MAK: variants seen among roughly 807,000 people sequenced by gnomAD.
MAK encodes male germ cell associated kinase.
In MAK, 65 loss-of-function variants were observed where a neutral mutation model predicts 82.6. The observed-to-expected ratio is 0.79, with a 90% confidence interval of 0.64 to 0.97. The LOEUF (loss-of-function observed/expected upper bound fraction) is 0.97, where lower values mean the gene tolerates loss of function less well. Among genes scored for constraint, MAK ranks in the 50% least tolerant of loss-of-function variants. The probability of loss-of-function intolerance (pLI) is 0.00; values close to 1 mark genes in which losing one functional copy is unlikely to be tolerated. For missense variants in MAK, 703 were observed against 780.2 expected, an observed-to-expected ratio of 0.90 and a Z score of 1.18; for synonymous variants, 250 against 274.2, an observed-to-expected ratio of 0.91 and a Z score of 0.87.
intron 10 of MAK, among the ~76,000 whole-genome samples, chr6:10,790,880 G>C (rs1226611665): frequency 6.6e-6 from 1 of 152,186 alleles, no homozygotes; most frequent in Non-Finnish European, 1.5e-5. Context: ...TTGCGGTAAC[G>C]AGTGAGTTCT....
At chr6:10,767,387 A>G (rs1371643433) in intron 14 of MAK, among the ~76,000 whole-genome samples, 2 of 152,188 alleles carry the variant, frequency 1.3e-5, no homozygotes, top group Non-Finnish European at 2.9e-5. Context: ...GTGATCCTAA[A>G]GGGTGCTGTG....
rs561271180 is a variant in MAK, at chr6:10,821,929, C to T, written c.102-2989G>A. ...TTGGGAGGCCAAGGCGGGCGGATCA[C>T]GAGGTCAGGAGATGGAGACCCTCCT... On this transcript the variant is annotated intron_variant, in intron 2 of 14. Coordinates refer to ENST00000354489, the MANE Select transcript of MAK (RefSeq NM_001242957.3). Among the ~76,000 whole-genome samples the T allele has an allele frequency of 2.6e-3, 400 of 150,990 alleles. 3 individuals are homozygous for T. The highest frequency in any genetic ancestry group is 9.0e-3 in the African/African-American group (371 of 41,138).
In MAK at chr6:10,808,907, G is replaced by A; in HGVS notation, c.394C>T (p.Leu132Phe). ...FHRDMKPENL[L>F]CMGPELVKIA... is the part of the protein sequence containing the mutation. ...TTCACAAGCTCTGGACCCATACAAAGCAAGTTTTCTGGTTTCATGTCCCTA... is the reference window on the plus strand; with the variant it reads ...TTCACAAGCTCTGGACCCATACAAAACAAGTTTTCTGGTTTCATGTCCCTA... The change falls in exon 6 of 15, where the codon CTT becomes TTT. Residue 132 changes from leucine to phenylalanine, a missense_variant. By Grantham distance (22) the Leu-to-Phe change is conservative. Transcript: ENST00000354489. 1 of 1,613,594 alleles carries A rather than the reference G, an allele frequency of 6.2e-7. No individual in the cohort carries two copies.
chr6:10,803,307 G>C (rs1333368524), intron 7 of MAK, among the ~76,000 whole-genome samples: 1 of 152,134 alleles, frequency 6.6e-6, no homozygotes, highest in East Asian at 1.9e-4. Flanking sequence ...GGAGGCTGAG[G>C]TGGGCAGATC....
chr6:10,803,005 G>GA (rs1776134444), intron 7 of MAK, among the ~76,000 whole-genome samples: 1 of 152,122 alleles, frequency 6.6e-6, no homozygotes, highest in Admixed American at 6.6e-5. Flanking sequence ...AAACGGTTAA[G>GA]AAAAAACAAG....
rs753068058 is a variant in MAK at position 10,800,428 on chromosome 6, CT to C, written c.831+1463del. The stretch of plus-strand genomic sequence containing the variant: ...ATGTAATCAAATTGTTTGAATCTTC[CT>C]TTTGTGGTTTCTTCTATTATTTTTA... On this transcript the variant is annotated intron_variant, in intron 8 of 14. Transcript: ENST00000354489. The surrounding 1 kb of genome is among the most constrained non-coding windows in gnomAD (Gnocchi z 4.2). Among the ~76,000 whole-genome samples the C allele has an allele frequency of 6.6e-6, 1 of 151,614 alleles. No homozygotes were observed. The highest frequency in any genetic ancestry group is 1.5e-5 in the Non-Finnish European group (1 of 67,934).
rs1247356154 is a variant in MAK, at chr6:10,808,688, A to G, written c.491+122T>C. Reference sequence around the variant, plus strand: ...CAATCCTTCGCTTTCTTTAAAGAATATAAAATTCAATTCTGTGTTTTAAAT... The same window carrying G: ...CAATCCTTCGCTTTCTTTAAAGAATGTAAAATTCAATTCTGTGTTTTAAAT... On this transcript the variant is annotated intron_variant, in intron 6 of 14. Coordinates refer to ENST00000354489, the MANE Select transcript of MAK (RefSeq NM_001242957.3). 1.1e-5 allele frequency: 11 copies of G among 994,964 alleles called. No homozygotes were observed. In the South Asian group the frequency reaches 1.3e-4, roughly 12 times the overall value. 61.6% of individuals were successfully genotyped at this position (994,964 alleles called of 1,614,324 possible).
chr6:10,826,275 A>C (rs1298864055), intron 2 of MAK, among the ~76,000 whole-genome samples: 1 of 134,436 alleles, frequency 7.4e-6, no homozygotes. Flanking sequence ...ATTTTCTCTC[A>C]TTCTTGAGGT....
intron 2 of MAK, among the ~76,000 whole-genome samples, chr6:10,824,905 A>G (rs1394748119): frequency 2.0e-5 from 3 of 152,104 alleles, no homozygotes; most frequent in Non-Finnish European, 4.4e-5. Flanking sequence ...AGCCGATGAT[A>G]TTGTTGAAAT....
At chr6:10,779,403 G>A (rs758025157) in intron 11 of MAK, 2 of 985,156 alleles carry the variant, frequency 2.0e-6, no homozygotes, top group Non-Finnish European at 2.4e-6. Context: ...CAGCCGGTTA[G>A]TAGTAGCAGG....
In MAK at chr6:10,764,402, C is replaced by T. The variant is rs369955868; in HGVS notation, c.*50G>A. On this transcript the variant is annotated 3_prime_UTR_variant, in exon 15 of 15. Transcript: ENST00000354489. ...GTAGACATTTCCCAGGGTCAAGGAA[C>T]TTGCACGTACTCTACGGAGCAATGC... 6.3e-7 allele frequency: 1 copy of T among 1,587,832 alleles called. No homozygotes were observed. The highest frequency in any genetic ancestry group is 8.6e-7 in the Non-Finnish European group (1 of 1,158,836).
intron 2 of MAK, among the ~76,000 whole-genome samples, chr6:10,821,052 G>A (rs1777903481): frequency 6.6e-6 from 1 of 151,984 alleles, no homozygotes; most frequent in African/African-American, 2.4e-5. Context: ...GGGCTCAGGT[G>A]ATCCTCCCAC....
rs1381548933 is a variant in MAK, at chr6:10,775,316, T to G, written c.1597+12A>C. On this transcript the variant is annotated intron_variant, in intron 12 of 14. Coordinates refer to ENST00000354489, the MANE Select transcript of MAK (RefSeq NM_001242957.3). ...AAACCCCGTACATGTACATTTTGTATTCTTGCGTTACCTGCATTGCTCCTT... is the reference window on the plus strand; with the variant it reads ...AAACCCCGTACATGTACATTTTGTAGTCTTGCGTTACCTGCATTGCTCCTT... 4 of 1,612,274 alleles carry G rather than the reference T, an allele frequency of 2.5e-6. No individual in the cohort carries two copies. Among genetic ancestry groups the G allele is most frequent in the Non-Finnish European group, 3.4e-6 (4 of 1,178,792 alleles).
At chr6:10,777,691 T>A (rs533351490) in intron 11 of MAK, among the ~76,000 whole-genome samples, 38 of 152,268 alleles carry the variant, frequency 2.5e-4, no homozygotes, top group Admixed American at 6.5e-4. Flanking sequence ...CAGGCTGGAG[T>A]GCAATGGCGT....
At chr6:10,826,407 G>C (rs1778375181) in intron 2 of MAK, among the ~76,000 whole-genome samples, 1 of 152,078 alleles carries the variant, frequency 6.6e-6, no homozygotes, top group Admixed American at 6.6e-5. Context: ...TCTTGAATCT[G>C]TTGGTCTTCC....
intron 13 of MAK, among the ~76,000 whole-genome samples, chr6:10,771,146 G>T (rs1561930305): frequency 1.3e-5 from 2 of 152,082 alleles, no homozygotes; most frequent in Non-Finnish European, 1.5e-5. Flanking sequence ...TCAGGGTGTG[G>T]TGGTTACAGA....
In MAK at chr6:10,803,863, A is replaced by T. The variant is rs779260712; in HGVS notation, c.520T>A (p.Ser174Thr). Residue 174 changes from serine (S) to threonine (T), a missense_variant, in exon 7 of 15, where the codon TCT (serine) becomes ACT (threonine). Physicochemically the swap from Ser to Thr is moderately conservative, Grantham distance 58 (BLOSUM62 1). Transcript: ENST00000354489. ...WYRAPEVLLR[S>T]SVYSSPIDVW... is the part of the protein sequence containing the mutation. The stretch of plus-strand genomic sequence containing the variant: ...TCAATGGGAGAACTATAAACTGAAG[A>T]TCTCAGTAAAACTTCAGGGGCACGA... 3.7e-6 allele frequency: 6 copies of T among 1,614,068 alleles called. No homozygotes were observed. The highest frequency in any genetic ancestry group is 4.2e-6 in the Non-Finnish European group (5 of 1,179,948).
chr6:10,813,127 TATATATAA>T (rs1777158037), intron 5 of MAK, among the ~76,000 whole-genome samples: 3 of 872 alleles, frequency 3.4e-3, no homozygotes, highest in Non-Finnish European at 5.6e-3. Context: ...TATATATATA[TATATATAA>T]ATTTTTTTTT....
intron 8 of MAK, among the ~76,000 whole-genome samples, chr6:10,798,149 G>A (rs529613341): frequency 0.017 from 1,999 of 119,702 alleles, 21 homozygotes; most frequent in Non-Finnish European, 0.024. Context: ...ATGGAGTCTC[G>A]CTCTGTCACC....
Sources: allele counts gnomAD v4.1 joint callset (sites outside exome capture counted in the v4.1 genomes callset), GRCh38; gene constraint gnomAD v4.1.1; non-coding constraint Gnocchi (gnomAD v3.1); transcripts MANE v1.5; gene names NCBI Gene and HGNC (gene_info 2026-07-23, HGNC 2026-07-21).